PIK3C2A: variants seen among roughly 807,000 people sequenced by gnomAD.
PIK3C2A encodes phosphatidylinositol 4-phosphate 3-kinase C2 domain-containing subunit alpha.
Under a neutral mutation model 204.5 loss-of-function variants are expected in PIK3C2A, and 97 were observed. The ratio of observed to expected loss-of-function variants is 0.47; its 90% CI spans 0.40 to 0.56. The LOEUF (loss-of-function observed/expected upper bound fraction) is 0.56. Among genes scored for constraint, PIK3C2A ranks in the 20% least tolerant of loss-of-function variants. The pLI is 0.00. For missense variants in PIK3C2A, 1,735 were observed against 1,969.2 expected (o/e 0.88, Z 2.25); for synonymous variants, 653 against 664.4 (o/e 0.98, Z 0.26).
intron 1 of PIK3C2A, among the ~76,000 whole-genome samples, chr11:17,183,850 G>A (rs1039185846): frequency 6.6e-6 from 1 of 151,594 alleles, no homozygotes; most frequent in African/African-American, 2.4e-5. Context: ...TGTAGTCCCA[G>A]CACCCTCCCT....
intron 15 of PIK3C2A, among the ~76,000 whole-genome samples, chr11:17,121,207 T>C (rs796543952): frequency 2.0e-5 from 3 of 152,240 alleles, no homozygotes; most frequent in African/African-American, 7.2e-5. Context: ...AGCCTTGACC[T>C]CCTGGGCTCA....
chr11:17,117,464 T>C (rs370303717), intron 19 of PIK3C2A, 27 bp downstream of exon 19: 124 of 1,526,278 alleles, frequency 8.1e-5, no homozygotes, highest in Non-Finnish European at 1.1e-4. Flanking sequence ...CATTAACACA[T>C]TTATATTACC....
At chr11:17,115,564 AAAAC>A (rs1399718830) in intron 19 of PIK3C2A, 1 of 151,756 alleles carries the variant, frequency 6.6e-6, no homozygotes, top group Non-Finnish European at 1.5e-5. Flanking sequence ...AAAAAAAAAA[AAAAC>A]AAATATAGCA....
intron 22 of PIK3C2A, among the ~76,000 whole-genome samples, chr11:17,108,529 T>C (rs776171820): frequency 6.6e-6 from 1 of 152,048 alleles, no homozygotes; most frequent in African/African-American, 2.4e-5. Flanking sequence ...GGCAAGTGGA[T>C]TGCTTGAGCC....
Position 17,133,988 on chromosome 11 carries a change from T to G in PIK3C2A, c.2108+831A>C, listed in dbSNP as rs373516167. Reference sequence around the variant, plus strand: ...CTTAAATTGCCTAATTAACTGACATTTGCTCTGTTTTCCTGCTATATTTGC... The same window carrying G: ...CTTAAATTGCCTAATTAACTGACATGTGCTCTGTTTTCCTGCTATATTTGC... On this transcript the variant is annotated intron_variant, in intron 11 of 32. Transcript: ENST00000691414. Among the ~76,000 whole-genome samples, 54 of 152,178 alleles carry G rather than the reference T, an allele frequency of 3.5e-4. 1 individual carries two copies. In the South Asian group the frequency reaches 0.011, roughly 31 times the overall value.
At chr11:17,091,962 G>A (rs1292916708) in intron 30 of PIK3C2A, 34 bp downstream of exon 30, 4 of 1,309,762 alleles carry the variant, frequency 3.1e-6, no homozygotes, top group Non-Finnish European at 4.4e-6. Context: ...TGCAGATCAT[G>A]AGTTACCAAT....
chr11:17,091,190 G>A, intron 32 of PIK3C2A, 144 bp downstream of exon 32: 2 of 671,068 alleles, frequency 3.0e-6, no homozygotes, highest in East Asian at 2.7e-5. Context: ...ATACCTAGGT[G>A]ATAGGTTGAT....
rs1455823753 is a variant in PIK3C2A at position 17,101,446 on chromosome 11, G to C, written c.3852-12C>G. The C allele has an allele frequency of 1.4e-6, 2 of 1,450,712 alleles. No homozygotes were observed. The highest frequency in any genetic ancestry group is 1.9e-6 in the Non-Finnish European group (2 of 1,067,690). The allele number at this position is 1,450,712 out of a possible 1,614,324, so 89.9% of individuals were successfully genotyped here. A position where few individuals can be genotyped will look rare whatever the true frequency, so the allele number is the denominator to read the frequency against. On this transcript the variant is annotated splice_polypyrimidine_tract_variant and intron_variant, in intron 24 of 32. Coordinates refer to ENST00000691414, the MANE Select transcript of PIK3C2A (RefSeq NM_002645.4). ...AAGGAGCCCGATCCCTATTTAAAAT[G>C]AAAGTACATACAAAATATTATTTAC...
intron 20 of PIK3C2A, among the ~76,000 whole-genome samples, chr11:17,113,182 A>C (rs1419530882): frequency 6.6e-6 from 1 of 152,052 alleles, no homozygotes; most frequent in South Asian, 2.1e-4. Context: ...CGGCTAATTT[A>C]GAATTGCTTT....
intron 1 of PIK3C2A, among the ~76,000 whole-genome samples, chr11:17,191,165 T>C (rs1349265133): frequency 6.6e-6 from 1 of 152,214 alleles, no homozygotes; most frequent in Non-Finnish European, 1.5e-5. Flanking sequence ...TAAGTTTTAA[T>C]TTTACATCCT....
intron 1 of PIK3C2A, among the ~76,000 whole-genome samples, chr11:17,178,631 C>A (rs1851418885): frequency 6.6e-6 from 1 of 151,436 alleles, no homozygotes; most frequent in Non-Finnish European, 1.5e-5. Context: ...GGCGCAGTCT[C>A]AGTTCACTGC....
intron 1 of PIK3C2A, among the ~76,000 whole-genome samples, chr11:17,196,717 C>T (rs529881729): frequency 6.6e-6 from 1 of 151,926 alleles, no homozygotes; most frequent in East Asian, 2.0e-4. Context: ...CTACAGGTAC[C>T]GGCCACCACG....
chr11:17,156,654 T>C (rs1395743351), intron 2 of PIK3C2A, among the ~76,000 whole-genome samples: 2 of 152,184 alleles, frequency 1.3e-5, no homozygotes, highest in Non-Finnish European at 2.9e-5. Context: ...GATGATTCTG[T>C]GTGAGAAAAT....
At chr11:17,122,121 G>A (rs1340879496) in intron 15 of PIK3C2A, 67 bp downstream of exon 15, 3 of 923,642 alleles carry the variant, frequency 3.2e-6, no homozygotes, top group Non-Finnish European at 3.4e-6. Context: ...GTTATTTAAT[G>A]TAAGTCCTAA....
intron 1 of PIK3C2A, among the ~76,000 whole-genome samples, chr11:17,199,121 GA>G (rs200717915): frequency 0.25 from 25,084 of 99,142 alleles, 3,121 homozygotes; most frequent in East Asian, 0.48. Flanking sequence ...ACCGTCTCAA[GA>G]AAAAAAAAAA....
rs555082410 is a variant in PIK3C2A, at chr11:17,180,451, C to T, written c.-65-10645G>A. ...AAGAAAAAATTTTTGCTATTCCTAT[C>T]ACAAAGAGCTAATCTTTCTAATACA... On this transcript the variant is annotated intron_variant, in intron 1 of 32. Coordinates refer to ENST00000691414, the MANE Select transcript of PIK3C2A (RefSeq NM_002645.4). Among the ~76,000 whole-genome samples, 556 of 151,628 alleles carry T rather than the reference C, an allele frequency of 3.7e-3. 4 individuals are homozygous for T. Among genetic ancestry groups the T allele is most frequent in the African/African-American group, 0.013 (521 of 41,298 alleles).
chr11:17,127,031 A>G (rs1204407417), intron 13 of PIK3C2A, among the ~76,000 whole-genome samples: 1 of 152,186 alleles, frequency 6.6e-6, no homozygotes, highest in Non-Finnish European at 1.5e-5. Flanking sequence ...GCTCTCTGAC[A>G]CTAATTTATC....
intron 1 of PIK3C2A, among the ~76,000 whole-genome samples, chr11:17,204,702 C>A (rs1440664170): frequency 2.0e-5 from 3 of 152,208 alleles, no homozygotes; most frequent in East Asian, 1.9e-4. Flanking sequence ...TCCCTGGGAA[C>A]CTTTGAAGTA....
chr11:17,125,853 G>A (rs1849506114), intron 13 of PIK3C2A, among the ~76,000 whole-genome samples: 1 of 152,080 alleles, frequency 6.6e-6, no homozygotes, highest in Non-Finnish European at 1.5e-5. Flanking sequence ...TGCTAGGCAT[G>A]GTGGCTCACA....
Sources: allele counts gnomAD v4.1 joint callset (sites outside exome capture counted in the v4.1 genomes callset), GRCh38; gene constraint gnomAD v4.1.1; transcripts MANE v1.5; gene names NCBI Gene and HGNC (gene_info 2026-07-23, HGNC 2026-07-21).